PPP1R13B: variants seen among roughly 807,000 people sequenced by gnomAD.
The protein encoded by PPP1R13B is protein phosphatase 1 regulatory subunit 13B.
A neutral mutation model predicts 119.8 loss-of-function variants in PPP1R13B; 44 were observed. The observed-to-expected ratio is 0.37, with a 90% confidence interval of 0.29 to 0.47. The LOEUF (loss-of-function observed/expected upper bound fraction) is 0.47, where lower values mean the gene tolerates loss of function less well. Among genes scored for constraint, PPP1R13B ranks in the 20% least tolerant of loss-of-function variants. The pLI, the probability that PPP1R13B is intolerant of heterozygous loss-of-function variation, is 0.99. For synonymous variants in PPP1R13B, 542 were observed against 561.5 expected (o/e 0.97, Z 0.49); for missense variants, 1,227 against 1,413.5 (o/e 0.87, Z 2.12).
At chr14:103,796,754 C>G (rs1271041387) in intron 2 of PPP1R13B, among the ~76,000 whole-genome samples, 1 of 151,978 alleles carries the variant, frequency 6.6e-6, no homozygotes, top group African/African-American at 2.4e-5. Flanking sequence ...CTCAGGAGTT[C>G]AAGACCAGCC....
intron 3 of PPP1R13B, among the ~76,000 whole-genome samples, chr14:103,780,980 A>G (rs1296438903): frequency 6.6e-6 from 1 of 152,088 alleles, no homozygotes; most frequent in African/African-American, 2.4e-5. Flanking sequence ...CAGGTGGGGA[A>G]GATGGAATTC....
intron 5 of PPP1R13B, 21 bp from the exon 6 acceptor site, chr14:103,754,265 G>GT: frequency 1.4e-5 from 22 of 1,596,430 alleles, no homozygotes; most frequent in Non-Finnish European, 1.8e-5. Context: ...AAAGAAAAAT[G>GT]TAACTTTGAA....
At chr14:103,827,581 T>C (rs985413360) in intron 1 of PPP1R13B, among the ~76,000 whole-genome samples, 5 of 150,508 alleles carry the variant, frequency 3.3e-5, no homozygotes, top group South Asian at 4.2e-4. Flanking sequence ...TATAGATCTA[T>C]AGTGTGATAT....
intron 1 of PPP1R13B, chr14:103,803,976 A>C (rs2152050166): frequency 1.1e-6 from 1 of 886,128 alleles, no homozygotes; most frequent in South Asian, 5.2e-5. Flanking sequence ...TTTATAGTAC[A>C]ACTTTCTTAC....
intron 1 of PPP1R13B, among the ~76,000 whole-genome samples, chr14:103,813,229 T>C (rs2086201272): frequency 6.7e-6 from 1 of 148,464 alleles, no homozygotes; most frequent in African/African-American, 2.6e-5. Context: ...TATTCAGCAA[T>C]GTTAAAAAAA....
At chr14:103,755,651 A>T (rs2084660206) in intron 5 of PPP1R13B, among the ~76,000 whole-genome samples, 1 of 152,242 alleles carries the variant, frequency 6.6e-6, no homozygotes, top group Non-Finnish European at 1.5e-5. Flanking sequence ...ATATGTGCTT[A>T]AATATTTAAG....
chr14:103,794,227 G>A (rs188543899), intron 2 of PPP1R13B, among the ~76,000 whole-genome samples: 13 of 152,210 alleles, frequency 8.5e-5, no homozygotes, highest in African/African-American at 2.6e-4. Flanking sequence ...ACAGTGAAAC[G>A]GCTCTACTGG....
intron 2 of PPP1R13B, among the ~76,000 whole-genome samples, chr14:103,793,006 A>C (rs1047012824): frequency 3.3e-5 from 5 of 150,044 alleles, no homozygotes; most frequent in African/African-American, 9.8e-5. Flanking sequence ...TGGGAGGCAG[A>C]GGTTGCAGTC....
At chr14:103,804,411 G>A (rs2085970871) in intron 1 of PPP1R13B, among the ~76,000 whole-genome samples, 1 of 152,022 alleles carries the variant, frequency 6.6e-6, no homozygotes. Flanking sequence ...CACAAATTGA[G>A]GATGTATAAG....
At position 103,740,856 on chromosome 14, in the gene PPP1R13B, T is replaced by C. The variant is rs1324185530; in HGVS notation, c.1823-263A>G. ...CTGGAGCTTTTTCAAAAGAAAAAAA[T>C]AGGGTGCTAACCCGACTTTTCCTGC... On this transcript the variant is annotated intron_variant, in intron 11 of 16. Coordinates refer to ENST00000202556, the MANE Select transcript of PPP1R13B (RefSeq NM_015316.3). This position sits in a 1 kb window ranked among gnomAD's most constrained non-coding sequence, Gnocchi z 4.6. 2.6e-5 allele frequency among the ~76,000 whole-genome samples: 4 copies of C among 152,160 alleles called. No individual in the cohort carries two copies. The highest frequency in any genetic ancestry group is 5.9e-5 in the Non-Finnish European group (4 of 68,016).
intron 1 of PPP1R13B, among the ~76,000 whole-genome samples, chr14:103,835,566 T>C (rs2086756302): frequency 6.6e-6 from 1 of 151,776 alleles, no homozygotes; most frequent in South Asian, 2.1e-4. Flanking sequence ...AGTTGCTGGG[T>C]CTACAAAGGC....
At chr14:103,823,199 G>A (rs983005907) in intron 1 of PPP1R13B, among the ~76,000 whole-genome samples, 18 of 152,008 alleles carry the variant, frequency 1.2e-4, no homozygotes, top group African/African-American at 3.4e-4. Flanking sequence ...TTAGCTGGGC[G>A]TGGTGGCGGG....
intron 1 of PPP1R13B, among the ~76,000 whole-genome samples, chr14:103,821,884 C>CA (rs1324585906): frequency 6.6e-6 from 1 of 151,960 alleles, no homozygotes; most frequent in Non-Finnish European, 1.5e-5. Context: ...AGCTAAGTGA[C>CA]AATATTTGTT....
chr14:103,770,312 G>C (rs1421287806), intron 4 of PPP1R13B, among the ~76,000 whole-genome samples: 1 of 152,074 alleles, frequency 6.6e-6, no homozygotes, highest in Non-Finnish European at 1.5e-5. Context: ...TCAGGAGTTC[G>C]AGACCAGCCT....
intron 1 of PPP1R13B, among the ~76,000 whole-genome samples, chr14:103,831,525 A>G (rs1395309540): frequency 1.3e-5 from 2 of 150,618 alleles, no homozygotes; most frequent in Non-Finnish European, 3.0e-5. Context: ...TGGCCAGGCT[A>G]GTCTCTAACT....
In PPP1R13B at chr14:103,740,693, C is replaced by T. The variant is rs1450939968; in HGVS notation, c.1823-100G>A. The T allele has an allele frequency of 8.1e-6, 8 of 987,474 alleles. No homozygotes were observed. The highest frequency in any genetic ancestry group is 2.2e-4 in the Middle Eastern group (1 of 4,484). The allele number at this position is 987,474 out of a possible 1,614,324, so 61.2% of individuals were successfully genotyped here. ...AGAGACAGGCTCCTGCAAAGACACACATATACATCTGCTGCTGTTATTCAA... is the reference window on the plus strand; with the variant it reads ...AGAGACAGGCTCCTGCAAAGACACATATATACATCTGCTGCTGTTATTCAA... On this transcript the variant is annotated intron_variant, in intron 11 of 16. Coordinates refer to ENST00000202556, the MANE Select transcript of PPP1R13B (RefSeq NM_015316.3). This position sits in a 1 kb window ranked among gnomAD's most constrained non-coding sequence, Gnocchi z 4.6.
At chr14:103,846,893 C>T (rs1486017890) in intron 1 of PPP1R13B, 1 of 759,230 alleles carries the variant, frequency 1.3e-6, no homozygotes, top group East Asian at 6.4e-5. Context: ...AGTGTGGGAA[C>T]TCCGGGCGCG....
intron 4 of PPP1R13B, among the ~76,000 whole-genome samples, chr14:103,765,834 T>C (rs2084924317): frequency 6.6e-6 from 1 of 152,118 alleles, no homozygotes; most frequent in South Asian, 2.1e-4. Context: ...TGGGAAGAAC[T>C]CAGTACTTTT....
chr14:103,834,514 C>T (rs934552975), intron 1 of PPP1R13B, among the ~76,000 whole-genome samples: 1 of 151,520 alleles, frequency 6.6e-6, no homozygotes, highest in African/African-American at 2.4e-5. Flanking sequence ...TGAAGTGAAC[C>T]TTATTCTGGT....
Sources: allele counts gnomAD v4.1 joint callset (sites outside exome capture counted in the v4.1 genomes callset), GRCh38; gene constraint gnomAD v4.1.1; non-coding constraint Gnocchi (gnomAD v3.1); transcripts MANE v1.5; gene names NCBI Gene and HGNC (gene_info 2026-07-23, HGNC 2026-07-21).